The following LMF1 variants were observed in gnomAD, a reference collection of about 807,000 sequenced individuals.
LMF1 encodes the protein transmembrane protein 112.
Under a neutral mutation model 60.6 loss-of-function variants are expected in LMF1, and 68 were observed. That is an observed-to-expected ratio of 1.12 (90% CI 0.92 to 1.37). LMF1 has a LOEUF of 1.37. Among genes scored for constraint, LMF1 ranks in the 40% most tolerant of loss-of-function variants. LMF1 has a pLI of 0.00. For missense variants in LMF1, 948 were observed against 767.2 expected, an observed-to-expected ratio of 1.24 and a Z score of -2.78; for synonymous variants, 418 against 324.7, an observed-to-expected ratio of 1.29 and a Z score of -3.09.
chr16:914,400 G>A (rs1324237541), intron 3 of LMF1, among the ~76,000 whole-genome samples: 4 of 152,064 alleles, frequency 2.6e-5, no homozygotes, highest in African/African-American at 9.7e-5. Flanking sequence ...GACACAGACC[G>A]GATGCTCACT....
intron 1 of LMF1, among the ~76,000 whole-genome samples, chr16:958,559 ACACACACGT>A (rs1482758302): frequency 6.6e-6 from 1 of 152,190 alleles, no homozygotes; most frequent in Non-Finnish European, 1.5e-5. Context: ...TGCTGTCACC[ACACACACGT>A]CACATGGCCG....
At chr16:872,182 A>C (rs555623041) in intron 6 of LMF1, 5 of 152,266 alleles carry the variant, frequency 3.3e-5, no homozygotes, top group Admixed American at 3.3e-4. Flanking sequence ...GTCGCCCTGC[A>C]TGGGTGATGG....
intron 3 of LMF1, chr16:933,861 G>T: frequency 1.2e-6 from 1 of 866,548 alleles, no homozygotes; most frequent in Non-Finnish European, 1.6e-6. Flanking sequence ...AAGCCAAAGT[G>T]CCCACCAGCG....
At chr16:888,920 T>C (rs573649804) in intron 5 of LMF1, among the ~76,000 whole-genome samples, 67 of 149,924 alleles carry the variant, frequency 4.5e-4, no homozygotes, top group African/African-American at 1.6e-3. Flanking sequence ...AGGAGCTGCA[T>C]CCCCCCTCTC....
upstream of LMF1, among the ~76,000 whole-genome samples, chr16:974,927 G>A (rs191853639): frequency 1.3e-5 from 2 of 152,296 alleles, no homozygotes; most frequent in African/African-American, 2.4e-5. Flanking sequence ...TGGAAGGGGG[G>A]CCCAGGACCC....
chr16:942,458 T>C (rs2151450103), intron 2 of LMF1, among the ~76,000 whole-genome samples: 1 of 152,390 alleles, frequency 6.6e-6, no homozygotes, highest in African/African-American at 2.4e-5. Flanking sequence ...TTAAATACTT[T>C]TTATGCCCCA....
intron 1 of LMF1, chr16:976,957 G>C (rs1220826754): frequency 2.2e-6 from 1 of 453,738 alleles, no homozygotes; most frequent in Non-Finnish European, 4.4e-6. Context: ...GGTGAAGATG[G>C]GGAGGGCTGG....
intron 2 of LMF1, among the ~76,000 whole-genome samples, chr16:940,560 T>C (rs942632512): frequency 2.6e-5 from 4 of 152,164 alleles, no homozygotes; most frequent in African/African-American, 9.7e-5. Context: ...ATCAGTGTCA[T>C]AAAAGATGGA....
At chr16:971,120 C>T (rs1165556210), upstream of LMF1, 8 of 850,502 alleles carry the variant, frequency 9.4e-6, no homozygotes. Flanking sequence ...CTCACAGTCC[C>T]GGAGGCACCG....
At chr16:948,159 C>A (rs1273883125) in intron 2 of LMF1, among the ~76,000 whole-genome samples, 2 of 145,282 alleles carry the variant, frequency 1.4e-5, no homozygotes, top group African/African-American at 5.2e-5. Flanking sequence ...GAGTCAGAGC[C>A]AACGACAGAG....
At chr16:972,957 G>A (rs1365586028), upstream of LMF1, among the ~76,000 whole-genome samples, 5 of 152,202 alleles carry the variant, frequency 3.3e-5, no homozygotes, top group East Asian at 5.8e-4. Context: ...GCAGGTCACC[G>A]GGGGCAGGGC....
chr16:893,548 C>T (rs1300220443), intron 4 of LMF1, among the ~76,000 whole-genome samples: 1 of 152,130 alleles, frequency 6.6e-6, no homozygotes, highest in Non-Finnish European at 1.5e-5. Flanking sequence ...GCGCAGGCCC[C>T]GTGTGTCTCC....
At chr16:888,652 C>T (rs1473404364) in intron 5 of LMF1, among the ~76,000 whole-genome samples, 1 of 152,250 alleles carries the variant, frequency 6.6e-6, no homozygotes, top group Non-Finnish European at 1.5e-5. Context: ...GCAACCCTCC[C>T]CACAGCCTGC....
At chr16:950,413 T>A (rs1597058360) in intron 2 of LMF1, among the ~76,000 whole-genome samples, 1 of 114,262 alleles carries the variant, frequency 8.8e-6, no homozygotes, top group African/African-American at 3.9e-5. Context: ...AACGACAGAG[T>A]CAGAGACAAC....
chr16:905,257 G>C (rs2070945447), intron 4 of LMF1: 1 of 165,860 alleles, frequency 6.0e-6, no homozygotes, highest in Non-Finnish European at 1.3e-5. Context: ...TCTGCTGCAT[G>C]GTGGTGACCT....
At chr16:918,836 A>AACCCGACTCTCACGTGGGGCCGGCG (rs1567237661) in intron 3 of LMF1, among the ~76,000 whole-genome samples, 2 of 136,134 alleles carry the variant, frequency 1.5e-5, no homozygotes, top group Admixed American at 7.1e-5. Flanking sequence ...CGGGGCCGGC[A>AACCCGACTCTCACGTGGGGCCGGCG]TCCCGGGGCG....
chr16:919,887 C>A (rs1001469681), intron 3 of LMF1, among the ~76,000 whole-genome samples: 1 of 152,104 alleles, frequency 6.6e-6, no homozygotes, highest in East Asian at 1.9e-4. Flanking sequence ...CCCGGGACCC[C>A]CTTCCTCCGA....
At chr16:971,246 G>C (rs1459876117), upstream of LMF1, among the ~76,000 whole-genome samples, 2 of 152,236 alleles carry the variant, frequency 1.3e-5, no homozygotes, top group Non-Finnish European at 2.9e-5. Context: ...CTGGGAGGTG[G>C]TGCGCGTCGC....
intron 1 of LMF1, chr16:976,789 G>T (rs540833557): frequency 2.2e-6 from 1 of 454,134 alleles, no homozygotes; most frequent in South Asian, 1.6e-5. Flanking sequence ...TGTCACTGGG[G>T]AGAGAGCAGT....
Sources: gnomAD v4.1 joint callset for allele counts (sites outside exome capture counted in the v4.1 genomes callset) on GRCh38, gnomAD v4.1.1 for gene constraint, MANE v1.5 for transcripts, NCBI Gene and HGNC (gene_info 2026-07-23, HGNC 2026-07-21) for gene names.